C1orf94: variants seen among roughly 807,000 people sequenced by gnomAD.
C1orf94 encodes uncharacterized protein C1orf94.
In C1orf94, 45 loss-of-function variants were observed where a neutral mutation model predicts 53.6. The ratio of observed to expected loss-of-function variants is 0.84; its 90% CI spans 0.66 to 1.08. C1orf94 has a LOEUF of 1.08. Among genes scored for constraint, C1orf94 ranks in the 50% least tolerant of loss-of-function variants. The pLI is 0.00. For missense variants in C1orf94, 762 were observed against 738.9 expected, an observed-to-expected ratio of 1.03 and a Z score of -0.36; for synonymous variants, 304 against 296.1, an observed-to-expected ratio of 1.03 and a Z score of -0.27.
chr1:34,193,480 G>T (rs1771366), intron 1 of C1orf94, among the ~76,000 whole-genome samples: 20,419 of 152,156 alleles, frequency 0.13, 1,924 homozygotes, highest in African/African-American at 0.27. Context: ...ATATTCCTGA[G>T]TGCATTCAGA....
intron 1 of C1orf94, among the ~76,000 whole-genome samples, chr1:34,169,071 T>C (rs1642096300): frequency 6.6e-6 from 1 of 152,216 alleles, no homozygotes; most frequent in East Asian, 1.9e-4. Flanking sequence ...AGGTAGGTTT[T>C]CATTTCTGGG....
rs1642613512 is a variant in C1orf94 at position 34,197,640 on chromosome 1, A to G, written c.736A>G (p.Lys246Glu). 4 of 1,614,146 alleles carry G rather than the reference A, an allele frequency of 2.5e-6. No individual in the cohort carries two copies. The highest frequency in any genetic ancestry group is 1.3e-5 in the African/African-American group (1 of 75,048). Residue 246 changes from lysine to glutamate, a missense_variant, in exon 2 of 7, where the codon AAG becomes GAG. Coordinates refer to ENST00000488417, the MANE Select transcript of C1orf94 (RefSeq NM_001134734.2). This position sits in a 1 kb window ranked among gnomAD's most constrained non-coding sequence, Gnocchi z 4.1. ...CAAGCTTCTGTCCCAGTTCCCACTG[A>G]AGTCCACTGAGACATCCAAGGTCCC... ...VSKLLSQFPL[K>E]STETSKVPDN... is the part of the protein sequence containing the mutation.
rs753636151 is a variant in C1orf94 at position 34,202,301 on chromosome 1, G to C, written c.1446+42G>C. On this transcript the variant is annotated intron_variant, in intron 4 of 6. Transcript: ENST00000488417. ...GGCTCTCCTGTGGACATCCACGGGG[G>C]TTTTGGCCACAGAGAAGGAGTGGCT... 6.9e-6 allele frequency: 11 copies of C among 1,596,806 alleles called. No individual in the cohort carries two copies. In the African/African-American group the frequency reaches 1.5e-4, roughly 21 times the overall value.
Position 34,194,633 on chromosome 1 carries a change from C to T in C1orf94, c.321-2592C>T, listed in dbSNP as rs185132933. ...GATTAACATATGGCCAATCTTGTTTCATCTATTACTCCCTCTCTCTTCTTT... is the reference window on the plus strand; with the variant it reads ...GATTAACATATGGCCAATCTTGTTTTATCTATTACTCCCTCTCTCTTCTTT... On this transcript the variant is annotated intron_variant, in intron 1 of 6. Coordinates refer to ENST00000488417, the MANE Select transcript of C1orf94 (RefSeq NM_001134734.2). Among the ~76,000 whole-genome samples, 1,464 of 152,274 alleles carry T rather than the reference C, an allele frequency of 9.6e-3. 12 individuals carry two copies. Among genetic ancestry groups the T allele is most frequent in the Non-Finnish European group, 0.012 (806 of 68,022 alleles).
At chr1:34,214,929 G>A (rs1642957852) in intron 6 of C1orf94, among the ~76,000 whole-genome samples, 1 of 152,190 alleles carries the variant, frequency 6.6e-6, no homozygotes, top group Non-Finnish European at 1.5e-5. Context: ...ACCCAGAGGG[G>A]ATGATCTGTT....
chr1:34,182,200 A>G (rs1004618428), intron 1 of C1orf94, among the ~76,000 whole-genome samples: 1 of 152,192 alleles, frequency 6.6e-6, no homozygotes, highest in Admixed American at 6.5e-5. Flanking sequence ...GTCTCAAAAC[A>G]AAACCAAAAG....
Position 34,197,655 on chromosome 1 carries a change from T to A in C1orf94, c.751T>A (p.Ser251Thr), listed in dbSNP as rs777252604. The part of the protein sequence containing the change: ...SQFPLKSTET[S>T]KVPDNKNVLD... ...GTTCCCACTGAAGTCCACTGAGACA[T>A]CCAAGGTCCCTGACAACAAGAATGT... The change falls in exon 2 of 7, where the codon TCC becomes ACC. Residue 251 changes from serine to threonine, a missense_variant. Ser to Thr is a moderately conservative substitution (Grantham distance 58). Transcript: ENST00000488417. This position sits in a 1 kb window ranked among gnomAD's most constrained non-coding sequence, Gnocchi z 4.1. 1.2e-5 allele frequency: 19 copies of A among 1,613,976 alleles called. No homozygotes were observed. In the East Asian group the frequency reaches 4.0e-4, roughly 34 times the overall value.
rs762617203 is a variant in C1orf94, at chr1:34,202,173, G to A, written c.1360G>A (p.Ala454Thr). 1.2e-6 allele frequency: 2 copies of A among 1,614,166 alleles called. No individual in the cohort carries two copies. Among genetic ancestry groups the A allele is most frequent in the Non-Finnish European group, 1.7e-6 (2 of 1,180,032 alleles). Residue 454 changes from alanine to threonine, a missense_variant, in exon 4 of 7, where the codon GCA becomes ACA. Transcript: ENST00000488417. ...TPHFPTAMTSATLNQPLWLNL... is the reference protein window; with the variant it reads ...TPHFPTAMTSTTLNQPLWLNL... ...ACACTTTCCTACAGCCATGACCTCA[G>A]CAACCCTGAACCAGCCACTCTGGCT...
intron 1 of C1orf94, among the ~76,000 whole-genome samples, chr1:34,184,875 G>A (rs1035837612): frequency 2.0e-5 from 3 of 152,022 alleles, no homozygotes; most frequent in African/African-American, 4.8e-5. Context: ...TTGAAACCTG[G>A]TGATGGGAGT....
chr1:34,197,038 G>A lies in C1orf94; in HGVS notation c.321-187G>A, dbSNP rs531152647. On this transcript the variant is annotated intron_variant, in intron 1 of 6. Coordinates refer to ENST00000488417, the MANE Select transcript of C1orf94 (RefSeq NM_001134734.2). This position sits in a 1 kb window ranked among gnomAD's most constrained non-coding sequence, Gnocchi z 4.1. The stretch of plus-strand genomic sequence containing the variant: ...CATTTTTCAAAACCATGCTCTCAGT[G>A]CTGCATCCTACCGCTGTGGTATAGG... Among the ~76,000 whole-genome samples, 4 of 152,342 alleles carry A rather than the reference G, an allele frequency of 2.6e-5. No individual in the cohort carries two copies. The East Asian group carries it at 7.7e-4, about 29-fold the overall frequency.
chr1:34,190,915 T>A (rs1032560270), intron 1 of C1orf94, among the ~76,000 whole-genome samples: 3 of 152,202 alleles, frequency 2.0e-5, no homozygotes, highest in African/African-American at 7.2e-5. Flanking sequence ...TTTGGCAATT[T>A]GGGTTGGGTT....
chr1:34,209,213 T>C (rs297802), intron 5 of C1orf94, among the ~76,000 whole-genome samples: 40,110 of 151,684 alleles, frequency 0.26, 5,704 homozygotes, highest in African/African-American at 0.36. Context: ...CCAATGACCA[T>C]GCTTTACTAC....
intron 4 of C1orf94, among the ~76,000 whole-genome samples, chr1:34,205,713 A>G (rs1642780978): frequency 1.3e-5 from 2 of 152,096 alleles, no homozygotes; most frequent in Non-Finnish European, 2.9e-5. Flanking sequence ...CAGAGAGGAG[A>G]AATGGGGAAC....
chr1:34,176,001 G>A (rs1031033876), upstream of C1orf94, among the ~76,000 whole-genome samples: 1 of 151,878 alleles, frequency 6.6e-6, no homozygotes, highest in African/African-American at 2.4e-5. Context: ...TGCTTTACTC[G>A]CTTGGCTGGT....
At chr1:34,214,541 T>G (rs1432669169) in intron 6 of C1orf94, among the ~76,000 whole-genome samples, 3 of 152,100 alleles carry the variant, frequency 2.0e-5, no homozygotes, top group Non-Finnish European at 4.4e-5. Context: ...CCCCTGCAGG[T>G]TGGCCAACTT....
rs1642830142 is a variant in C1orf94, at chr1:34,208,161, T to G, written c.1451T>G (p.Leu484Arg). The G allele has an allele frequency of 1.9e-6, 3 of 1,613,918 alleles. No homozygotes were observed. The Admixed American group carries it at 5.0e-5, about 27-fold the overall frequency. The change falls in exon 5 of 7, where the codon CTG becomes CGG. Residue 484 changes from leucine to arginine, a missense_variant. Transcript: ENST00000488417. The stretch of plus-strand genomic sequence containing the variant: ...TGAGCCTCTGTTTCTCCCCAGGGCC[T>G]GTACCCACAGCAGGCAGCGAGGATG... Reference protein sequence around the residue: ...NHSTFLQYQGLYPQQAARMPY... With the variant: ...NHSTFLQYQGRYPQQAARMPY...
At chr1:34,174,114 T>C (rs144984662), upstream of C1orf94, among the ~76,000 whole-genome samples, 1 of 152,378 alleles carries the variant, frequency 6.6e-6, no homozygotes, top group Non-Finnish European at 1.5e-5. Flanking sequence ...CCATGATGGA[T>C]GCTCAAAAAT....
upstream of C1orf94, among the ~76,000 whole-genome samples, chr1:34,176,288 C>T (rs1471856087): frequency 2.0e-5 from 3 of 152,128 alleles, no homozygotes; most frequent in Non-Finnish European, 4.4e-5. Flanking sequence ...CCGTCTCCAC[C>T]CTCTTGCTTT....
chr1:34,181,781 G>A (rs935328000), intron 1 of C1orf94, among the ~76,000 whole-genome samples: 8 of 152,198 alleles, frequency 5.3e-5, no homozygotes, highest in African/African-American at 1.9e-4. Context: ...GATAGGAAGA[G>A]CTCCTTTAGT....
Sources: allele counts gnomAD v4.1 joint callset (sites outside exome capture counted in the v4.1 genomes callset), GRCh38; gene constraint gnomAD v4.1.1; non-coding constraint Gnocchi (gnomAD v3.1); transcripts MANE v1.5; gene names NCBI Gene and HGNC (gene_info 2026-07-23, HGNC 2026-07-21).